Variants in KPNA2 observed in about 807,000 individuals in gnomAD.
KPNA2 encodes karyopherin subunit alpha 2, also known as importin subunit alpha-1.
In KPNA2, 20 loss-of-function variants were observed where a neutral mutation model predicts 53.7. The ratio of observed to expected loss-of-function variants is 0.37; its 90% CI spans 0.26 to 0.54. The LOEUF (loss-of-function observed/expected upper bound fraction) is 0.54, where lower values mean the gene tolerates loss of function less well. Ranked by LOEUF, KPNA2 falls within the 20% of genes least tolerant of loss-of-function variation. The probability of loss-of-function intolerance (pLI) is 0.83; values close to 1 mark genes in which losing one functional copy is unlikely to be tolerated. For synonymous variants in KPNA2, 238 were observed against 227.5 expected, an observed-to-expected ratio of 1.05 and a Z score of -0.42; for missense variants, 515 against 640.3, an observed-to-expected ratio of 0.80 and a Z score of 2.11.
chr17:68,040,614 G>A, intron 3 of KPNA2, 64 bp from the exon 4 acceptor site: 2 of 1,072,560 alleles, frequency 1.9e-6, no homozygotes, highest in South Asian at 1.3e-5. Context: ...TCACAAGTAA[G>A]TGTGGATTTT....
intron 3 of KPNA2, among the ~76,000 whole-genome samples, chr17:68,038,517 A>G (rs1018159266): frequency 5.4e-4 from 82 of 152,196 alleles, no homozygotes; most frequent in Middle Eastern, 3.4e-3. Flanking sequence ...CTAATTTATC[A>G]TATCCTTCTT....
At position 68,044,349 on chromosome 17, in the gene KPNA2, T is replaced by A; in HGVS notation, c.1193T>A (p.Val398Glu). ...GATTTTAAGACACAAAAGGAAGCTG[T>A]GTGGGCCGTGACCAACTATACCAGT... ...KADFKTQKEA[V>E]WAVTNYTSGG... The change falls in exon 9 of 11, where the codon GTG (valine) becomes GAG (glutamate). Residue 398 changes from valine to glutamate, a missense_variant. Val to Glu is a moderately radical substitution (Grantham distance 121). Transcript: ENST00000330459. The A allele has an allele frequency of 6.2e-7, 1 of 1,613,918 alleles. No homozygotes were observed. Among genetic ancestry groups the A allele is most frequent in the Non-Finnish European group, 8.5e-7 (1 of 1,179,962 alleles).
intron 4 of KPNA2, 45 bp from the exon 5 acceptor site, chr17:68,042,040 T>C: frequency 6.5e-7 from 1 of 1,528,628 alleles, no homozygotes. Flanking sequence ...AAACTCCTTT[T>C]GTTAATCACT....
At chr17:68,040,452 G>T (rs1555704374) in intron 3 of KPNA2, among the ~76,000 whole-genome samples, 1 of 151,950 alleles carries the variant, frequency 6.6e-6, no homozygotes, top group Non-Finnish European at 1.5e-5. Flanking sequence ...AAAACACTTG[G>T]ATACTCCATA....
chr17:68,040,260 A>ATTTTT (rs782418464), intron 3 of KPNA2, among the ~76,000 whole-genome samples: 108 of 117,914 alleles, frequency 9.2e-4, no homozygotes, highest in African/African-American at 1.3e-3. Context: ...ATGCCTGGAT[A>ATTTTT]TTTTTTTTTT....
intron 9 of KPNA2, chr17:68,045,480 AGTGTT>A (rs1201591236): frequency 1.5e-5 from 4 of 269,772 alleles, no homozygotes; most frequent in African/African-American, 2.2e-5. Flanking sequence ...ACTGGAATGT[AGTGTT>A]GTTTTAAAAG....
chr17:68,037,837 G>A (rs1555703994), intron 3 of KPNA2, among the ~76,000 whole-genome samples: 1 of 147,172 alleles, frequency 6.8e-6, no homozygotes, highest in African/African-American at 2.5e-5. Flanking sequence ...GTCTTGCTCT[G>A]TTGCTCAGGC....
chr17:68,044,961 G>C (rs1465854885), intron 9 of KPNA2, among the ~76,000 whole-genome samples: 4 of 152,032 alleles, frequency 2.6e-5, no homozygotes, highest in Non-Finnish European at 4.4e-5. Flanking sequence ...CATGTGTGGT[G>C]GTGGGCGCCT....
intron 3 of KPNA2, among the ~76,000 whole-genome samples, chr17:68,040,085 AAAAAG>A (rs1432420180): frequency 3.9e-5 from 6 of 151,966 alleles, no homozygotes; most frequent in East Asian, 1.9e-4. Flanking sequence ...TCTCAAAAAA[AAAAAG>A]AAAAGAAAAT....
intron 7 of KPNA2, among the ~76,000 whole-genome samples, 158 bp from the exon 8 acceptor site, chr17:68,043,680 T>G (rs2144218791): frequency 5.5e-5 from 1 of 18,304 alleles, no homozygotes; most frequent in South Asian, 3.1e-3. Flanking sequence ...TACTCCAGTC[T>G]CTCAAAAAAA....
chr17:68,042,128 A>G lies in KPNA2; in HGVS notation c.346A>G (p.Ile116Val), dbSNP rs2071267284. The change falls in exon 5 of 11, where the codon ATC becomes GTC. Residue 116 changes from isoleucine (I) to valine (V), a missense_variant. Ile to Val is a conservative substitution (Grantham distance 29). Coordinates refer to ENST00000330459, the MANE Select transcript of KPNA2 (RefSeq NM_002266.4). The stretch of plus-strand genomic sequence containing the variant: ...AAAACAGCCCCCCATAGACAACATA[A>G]TCCGGGCTGGTTTGATTCCGAAATT... Reference protein sequence around the residue: ...REKQPPIDNIIRAGLIPKFVS... With the variant: ...REKQPPIDNIVRAGLIPKFVS... The G allele has an allele frequency of 6.2e-7, 1 of 1,613,960 alleles. No homozygotes were observed. Among genetic ancestry groups the G allele is most frequent in the Non-Finnish European group, 8.5e-7 (1 of 1,179,820 alleles).
In KPNA2 at chr17:68,043,905, A is replaced by G. The variant is rs1555705024; in HGVS notation, c.998A>G (p.Asp333Gly). The change falls in exon 8 of 11, where the codon GAT becomes GGT. Residue 333 changes from aspartate to glycine, a missense_variant. Physicochemically the swap from Asp to Gly is moderately conservative, Grantham distance 94. Transcript: ENST00000330459. ...GATGAACAGACTCAGGTTGTGATTG[A>G]TGCAGGAGCACTCGCCGTCTTTCCC... ...GTDEQTQVVI[D>G]AGALAVFPSL... 1 of 1,613,680 alleles carries G rather than the reference A, an allele frequency of 6.2e-7. No individual in the cohort carries two copies. The highest frequency in any genetic ancestry group is 1.1e-5 in the South Asian group (1 of 91,060).
intron 9 of KPNA2, 38 bp downstream of exon 9, chr17:68,044,541 T>C (rs782415377): frequency 7.1e-6 from 11 of 1,543,946 alleles, no homozygotes; most frequent in Admixed American, 1.7e-5. Context: ...GAATTTGGAC[T>C]TGATAATAAT....
chr17:68,039,513 G>C (rs1555704228), intron 3 of KPNA2, among the ~76,000 whole-genome samples: 1 of 151,626 alleles, frequency 6.6e-6, no homozygotes, highest in Non-Finnish European at 1.5e-5. Flanking sequence ...GGGTGTGGTG[G>C]CTCACACCTG....
chr17:68,042,022 T>C (rs1418040246), intron 4 of KPNA2, 63 bp from the exon 5 acceptor site: 17 of 1,432,044 alleles, frequency 1.2e-5, no homozygotes, highest in African/African-American at 2.8e-5. Flanking sequence ...TTATATTGGT[T>C]TTTACACAAA....
intron 3 of KPNA2, 89 bp downstream of exon 3, chr17:68,037,584 C>A (rs374476288): frequency 7.9e-7 from 1 of 1,264,334 alleles, no homozygotes; most frequent in South Asian, 1.4e-5. Flanking sequence ...CTTAACATTT[C>A]TAGTCTTAAC....
rs2071320461 is a variant in KPNA2 at position 68,045,733 on chromosome 17, G to C, written c.1348-39G>C. 6 of 1,439,598 alleles carry C rather than the reference G, an allele frequency of 4.2e-6. No individual in the cohort carries two copies. In the East Asian group the frequency reaches 1.4e-4, roughly 34 times the overall value. 89.2% of individuals were successfully genotyped at this position (1,439,598 alleles called of 1,614,324 possible). A position where few individuals can be genotyped will look rare whatever the true frequency, so the allele number is the denominator to read the frequency against. On this transcript the variant is annotated intron_variant, in intron 9 of 10. Transcript: ENST00000330459. ...TGTTTTCTTCATTAAAATAAAACCA[G>C]AGTATATGCCAGTAAACTTGGATTT...
chr17:68,043,687 A>ATC (rs2071291903), intron 7 of KPNA2, 151 bp from the exon 8 acceptor site: 1 of 408,406 alleles, frequency 2.4e-6, no homozygotes, highest in African/African-American at 2.2e-5. Context: ...GTCTCTCAAA[A>ATC]AAAAAAAAAA....
At chr17:68,037,230 C>T (rs782194902) in intron 2 of KPNA2, 23 bp downstream of exon 2, 8 of 1,597,382 alleles carry the variant, frequency 5.0e-6, no homozygotes, top group Non-Finnish European at 6.0e-6. Context: ...TGTTGCTTTC[C>T]TGTGGTGGTA....
Sources: gnomAD v4.1 joint callset for allele counts (sites outside exome capture counted in the v4.1 genomes callset) on GRCh38, gnomAD v4.1.1 for gene constraint, MANE v1.5 for transcripts, NCBI Gene and HGNC (gene_info 2026-07-23, HGNC 2026-07-21) for gene names.